DLGAP2: variants seen among roughly 807,000 people sequenced by gnomAD.
The protein encoded by DLGAP2 is disks large-associated protein 2.
A neutral mutation model predicts 100.3 loss-of-function variants in DLGAP2; 26 were observed. The observed-to-expected ratio is 0.26, with a 90% confidence interval of 0.19 to 0.36. The LOEUF (loss-of-function observed/expected upper bound fraction) is 0.36. DLGAP2 is among the 10% of genes least tolerant of loss of function. DLGAP2 has a pLI of 1.00. For synonymous variants in DLGAP2, 886 were observed against 630.1 expected (o/e 1.41, Z -6.08); for missense variants, 1,858 against 1,453.2 (o/e 1.28, Z -4.53).
chr8:872,595 C>T (rs1797619470), intron 1 of DLGAP2, among the ~76,000 whole-genome samples: 3 of 152,178 alleles, frequency 2.0e-5, no homozygotes, highest in South Asian at 4.1e-4. Context: ...TCCCAAAGTG[C>T]TGGGATTACA....
chr8:781,129 C>T (rs887780683), intron 1 of DLGAP2, among the ~76,000 whole-genome samples: 3 of 151,982 alleles, frequency 2.0e-5, no homozygotes, highest in Admixed American at 6.5e-5. Context: ...AAGAGTAAGT[C>T]GTGCATCTGT....
intron 3 of DLGAP2, among the ~76,000 whole-genome samples, chr8:1,444,066 C>A (rs767615510): frequency 4.9e-4 from 74 of 152,146 alleles, no homozygotes; most frequent in Admixed American, 1.4e-3. Context: ...GGAAAAAAAC[C>A]ATGCTCTCCC....
At chr8:1,086,599 G>T (rs528269556) in intron 2 of DLGAP2, among the ~76,000 whole-genome samples, 1 of 152,278 alleles carries the variant, frequency 6.6e-6, no homozygotes, top group Non-Finnish European at 1.5e-5. Flanking sequence ...AGTCAAAAGA[G>T]AGGAAGAGTA....
chr8:1,514,991 T>C (rs1300504181), intron 4 of DLGAP2, among the ~76,000 whole-genome samples: 1 of 150,706 alleles, frequency 6.6e-6, no homozygotes, highest in Non-Finnish European at 1.5e-5. Context: ...GTAGAGAGAC[T>C]GACGTGGAGG....
intron 2 of DLGAP2, among the ~76,000 whole-genome samples, chr8:1,039,088 T>C (rs1243886650): frequency 6.6e-6 from 1 of 152,184 alleles, no homozygotes; most frequent in Admixed American, 6.6e-5. Context: ...AACAATCACC[T>C]CATTGGAGCA....
intron 2 of DLGAP2, among the ~76,000 whole-genome samples, chr8:1,194,862 A>G (rs1413058129): frequency 6.6e-6 from 1 of 151,894 alleles, no homozygotes; most frequent in African/African-American, 2.4e-5. Context: ...TCAGTCTCAG[A>G]CTCTAGGGCT....
chr8:1,704,397 G>C lies in DLGAP2; in HGVS notation c.*2991G>C, dbSNP rs1204899324. ...ACAGGTTGATCCTGCTGTGTTGAAG[G>C]CTGTGGTTAATAAAACACAAGTATG... is the stretch of plus-strand genomic sequence containing the variant. On this transcript the variant is annotated 3_prime_UTR_variant, in exon 15 of 15. Transcript: ENST00000637795. 2 of 152,214 alleles carry C rather than the reference G, an allele frequency of 1.3e-5. No individual in the cohort carries two copies. Among genetic ancestry groups the C allele is most frequent in the African/African-American group, 4.8e-5 (2 of 41,440 alleles). 9.4% of individuals were successfully genotyped at this position (152,214 alleles called of 1,614,324 possible). A position where few individuals can be genotyped will look rare whatever the true frequency, so the allele number is the denominator to read the frequency against.
At chr8:1,037,427 T>C (rs1181631641) in intron 2 of DLGAP2, among the ~76,000 whole-genome samples, 1 of 152,130 alleles carries the variant, frequency 6.6e-6, no homozygotes, top group Non-Finnish European at 1.5e-5. Context: ...GGGGCCTCTC[T>C]CCACAGCTCC....
intron 1 of DLGAP2, chr8:883,056 G>T (rs1797843098): frequency 6.6e-6 from 1 of 152,436 alleles, no homozygotes; most frequent in African/African-American, 2.4e-5. Context: ...CCCGTGCTCT[G>T]CAGGGCCAGG....
intron 4 of DLGAP2, among the ~76,000 whole-genome samples, chr8:1,515,634 GCA>G (rs930873682): frequency 1.5e-4 from 22 of 151,590 alleles, no homozygotes; most frequent in African/African-American, 4.8e-4. Flanking sequence ...GCAGACACAA[GCA>G]CACACACATG....
chr8:1,283,260 C>T (rs1240075951), intron 3 of DLGAP2, among the ~76,000 whole-genome samples: 2 of 146,744 alleles, frequency 1.4e-5, no homozygotes, highest in African/African-American at 2.5e-5. Context: ...CTGAACCCAG[C>T]GCCCTGAACC....
chr8:794,060 A>T (rs535608150), intron 1 of DLGAP2, among the ~76,000 whole-genome samples: 5 of 151,448 alleles, frequency 3.3e-5, no homozygotes, highest in Non-Finnish European at 7.4e-5. Context: ...GGTTGGGATG[A>T]GCTGTTTGCC....
chr8:1,192,743 A>G (rs548929720), intron 2 of DLGAP2, among the ~76,000 whole-genome samples: 2 of 151,360 alleles, frequency 1.3e-5, no homozygotes, highest in South Asian at 4.2e-4. Flanking sequence ...ACATATGGAA[A>G]CATGTGCCAT....
chr8:1,391,797 C>T (rs575232708), intron 3 of DLGAP2, among the ~76,000 whole-genome samples: 1 of 152,352 alleles, frequency 6.6e-6, no homozygotes, highest in Non-Finnish European at 1.5e-5. Flanking sequence ...CCAGTTTATC[C>T]TTAGAAGAGG....
chr8:1,614,946 G>A (rs1192399382), intron 6 of DLGAP2, among the ~76,000 whole-genome samples: 1 of 152,230 alleles, frequency 6.6e-6, no homozygotes, highest in Non-Finnish European at 1.5e-5. Flanking sequence ...GAAAGGCGCC[G>A]CGCTCACTCG....
chr8:1,650,822 A>G (rs904808395), intron 8 of DLGAP2, among the ~76,000 whole-genome samples: 9 of 144,938 alleles, frequency 6.2e-5, no homozygotes, highest in South Asian at 4.4e-4. Flanking sequence ...AGCTTGGGTG[A>G]CAGTTGCTGG....
intron 2 of DLGAP2, among the ~76,000 whole-genome samples, chr8:1,163,301 C>T (rs1223550684): frequency 6.6e-6 from 1 of 152,220 alleles, no homozygotes; most frequent in Admixed American, 6.5e-5. Context: ...CGGGACCACG[C>T]GGGCTGTGCC....
At chr8:990,027 C>A (rs1328620187) in intron 2 of DLGAP2, among the ~76,000 whole-genome samples, 1 of 152,102 alleles carries the variant, frequency 6.6e-6, no homozygotes, top group Non-Finnish European at 1.5e-5. Context: ...TCCTGGACCA[C>A]TGTGCCAGCA....
At chr8:1,676,648 C>G in intron 11 of DLGAP2, 30 bp downstream of exon 11, 1 of 1,592,000 alleles carries the variant, frequency 6.3e-7, no homozygotes, top group Non-Finnish European at 8.6e-7. Flanking sequence ...CACGCGGTGA[C>G]CCCCGAGCGA....
Sources: allele counts gnomAD v4.1 joint callset (sites outside exome capture counted in the v4.1 genomes callset), GRCh38; gene constraint gnomAD v4.1.1; transcripts MANE v1.5; gene names NCBI Gene and HGNC (gene_info 2026-07-23, HGNC 2026-07-21).